The following CACNB1 variants were observed in gnomAD, a reference collection of about 807,000 sequenced individuals.
CACNB1 encodes voltage-dependent L-type calcium channel subunit beta-1.
In CACNB1, 29 loss-of-function variants were observed where a neutral mutation model predicts 71.6. The observed-to-expected ratio is 0.40, with a 90% CI of 0.30 to 0.55. The LOEUF (loss-of-function observed/expected upper bound fraction) is 0.55, where lower values mean the gene tolerates loss of function less well. CACNB1 is among the 20% of genes least tolerant of loss of function. The pLI is 0.38. For missense variants in CACNB1, 623 were observed against 801.8 expected (o/e 0.78, Z 2.69); for synonymous variants, 300 against 319.6 (o/e 0.94, Z 0.65).
At chr17:39,191,152 C>T (rs531055401) in intron 3 of CACNB1, among the ~76,000 whole-genome samples, 3 of 152,050 alleles carry the variant, frequency 2.0e-5, no homozygotes, top group East Asian at 1.9e-4. Context: ...TGCAGTGAGC[C>T]GAGATCATGC....
chr17:39,190,252 T>C (rs886219720), intron 3 of CACNB1, among the ~76,000 whole-genome samples: 2 of 151,890 alleles, frequency 1.3e-5, no homozygotes, highest in Admixed American at 1.3e-4. Flanking sequence ...CAAGATCCCA[T>C]CTCTACAAAA....
At chr17:39,191,638 A>G (rs1402682050) in intron 2 of CACNB1, 45 bp from the exon 3 acceptor site, 2 of 1,592,766 alleles carry the variant, frequency 1.3e-6, no homozygotes, top group African/African-American at 2.7e-5. Flanking sequence ...TGCCCCTCCC[A>G]GCTCCTGGGC....
chr17:39,180,646 C>T (rs1013182162), intron 11 of CACNB1, among the ~76,000 whole-genome samples: 4 of 147,446 alleles, frequency 2.7e-5, no homozygotes, highest in African/African-American at 9.7e-5. Flanking sequence ...CAGAGCGAGA[C>T]TTCGTCCCCC....
At chr17:39,184,903 G>C (rs1288569431) in intron 7 of CACNB1, 39 bp from the exon 8 acceptor site, 40 of 1,342,802 alleles carry the variant, frequency 3.0e-5, no homozygotes, top group Non-Finnish European at 4.2e-5. Context: ...CCAGAGTGGA[G>C]ATGACATTAG....
At chr17:39,180,101 C>T (rs2045712370) in intron 11 of CACNB1, among the ~76,000 whole-genome samples, 1 of 151,444 alleles carries the variant, frequency 6.6e-6, no homozygotes, top group Admixed American at 6.6e-5. Context: ...CCCGTCTCTA[C>T]TGAAAATACA....
At chr17:39,181,631 G>A (rs1452368790) in intron 11 of CACNB1, among the ~76,000 whole-genome samples, 1 of 152,134 alleles carries the variant, frequency 6.6e-6, no homozygotes, top group Non-Finnish European at 1.5e-5. Context: ...CAGTGTTTTT[G>A]CATCCATTAT....
At chr17:39,187,137 A>C (rs929557519) in intron 4 of CACNB1, 1 of 612,236 alleles carries the variant, frequency 1.6e-6, no homozygotes, top group African/African-American at 1.9e-5. Flanking sequence ...GCCATGGACC[A>C]CCCTGCCACC....
At chr17:39,195,091 C>A in intron 1 of CACNB1, 121 bp from the exon 2 acceptor site, 1 of 662,356 alleles carries the variant, frequency 1.5e-6, no homozygotes, top group East Asian at 2.8e-5. Flanking sequence ...ACCTCCACCC[C>A]CCTGCACATT....
In CACNB1 at chr17:39,175,294, C is replaced by T; in HGVS notation, c.1696G>A (p.Gly566Ser). Residue 566 changes from glycine to serine, a missense_variant, in exon 14 of 14, where the codon GGC becomes AGC. Gly to Ser is a moderately conservative substitution (Grantham distance 56, BLOSUM62 0). Coordinates refer to ENST00000394303, the MANE Select transcript of CACNB1 (RefSeq NM_000723.5). This position sits in a 1 kb window ranked among gnomAD's most constrained non-coding sequence, Gnocchi z 4.7. ...GCGCAGTAGCGGGCCTTATTCCGGC[C>T]CCGGTTCCGGTTGTCGGTCAGCTCT... ...EEELTDNRNRGRNKARYCAEG... is the reference protein window; with the variant it reads ...EEELTDNRNRSRNKARYCAEG... The T allele has an allele frequency of 6.2e-7, 1 of 1,614,182 alleles. No individual in the cohort carries two copies. Among genetic ancestry groups the T allele is most frequent in the Non-Finnish European group, 8.5e-7 (1 of 1,180,024 alleles).
chr17:39,177,289 G>C, intron 13 of CACNB1, 61 bp downstream of exon 13: 2 of 1,610,340 alleles, frequency 1.2e-6, no homozygotes, highest in Non-Finnish European at 1.7e-6. Flanking sequence ...CTGCCCCGCT[G>C]TGAGGACTCC....
In CACNB1 at chr17:39,183,692, G is replaced by A. The variant is rs1408588753; in HGVS notation, c.1050+21C>T. On this transcript the variant is annotated intron_variant, in intron 11 of 13. Coordinates refer to ENST00000394303, the MANE Select transcript of CACNB1 (RefSeq NM_000723.5). ...CTTTCAAACCACGCTGTCCTGGCCA[G>A]GGTCAGGCTCCTGCACCCACCTTGG... 3 of 1,562,672 alleles carry A rather than the reference G, an allele frequency of 1.9e-6. No individual in the cohort carries two copies. In the South Asian group the frequency reaches 3.5e-5, roughly 18 times the overall value.
At position 39,186,817 on chromosome 17, in the gene CACNB1, A is replaced by G. The variant is rs1484153464; in HGVS notation, c.527T>C (p.Leu176Pro). 2 of 1,613,884 alleles carry G rather than the reference A, an allele frequency of 1.2e-6. No individual in the cohort carries two copies. Among genetic ancestry groups the G allele is most frequent in the African/African-American group, 2.7e-5 (2 of 74,900 alleles). The change falls in exon 5 of 14, where the codon CTG becomes CCG. Residue 176 changes from leucine to proline, a missense_variant. Leu to Pro is a moderately conservative substitution (Grantham distance 98, BLOSUM62 -3). Transcript: ENST00000394303. This position sits in a 1 kb window ranked among gnomAD's most constrained non-coding sequence, Gnocchi z 4.1. ...CCTGGAGCCGAGGCGGTTCTGGCGC[A>G]GCTTCTGTTCCTGCAGCAGGCGAAG... is the stretch of plus-strand genomic sequence containing the variant. ...DSLRLLQEQKLRQNRLGSSKS... is the reference protein window; with the variant it reads ...DSLRLLQEQKPRQNRLGSSKS...
chr17:39,183,240 G>A (rs1357315030), intron 11 of CACNB1, among the ~76,000 whole-genome samples: 1 of 152,130 alleles, frequency 6.6e-6, no homozygotes, highest in African/African-American at 2.4e-5. Flanking sequence ...GCCGAGGTGG[G>A]TGGATTGCTT....
Position 39,186,952 on chromosome 17 carries a change from G to A in CACNB1, c.415-23C>T, listed in dbSNP as rs376561709. The A allele has an allele frequency of 2.5e-6, 4 of 1,611,964 alleles. No homozygotes were observed. Among genetic ancestry groups the A allele is most frequent in the African/African-American group, 1.3e-5 (1 of 74,886 alleles). On this transcript the variant is annotated intron_variant, in intron 4 of 13. Transcript: ENST00000394303. The surrounding 1 kb of genome is among the most constrained non-coding windows in gnomAD (Gnocchi z 4.1). ...TTTCTGCAAAGAATATGGCAGGTGG[G>A]TGGAAAGAGCAAGAGGGAAACTGCA... is the stretch of plus-strand genomic sequence containing the variant.
Position 39,186,628 on chromosome 17 carries a change from C to T in CACNB1, c.552-56G>A, listed in dbSNP as rs1395763945. ...AGCAAAGAGGTGGGCGTGGGGGGCT[C>T]TCATCCTCTCACATGCGGCACCCCC... On this transcript the variant is annotated intron_variant, in intron 5 of 13. Coordinates refer to ENST00000394303, the MANE Select transcript of CACNB1 (RefSeq NM_000723.5). This position sits in a 1 kb window ranked among gnomAD's most constrained non-coding sequence, Gnocchi z 4.1. The T allele has an allele frequency of 6.5e-7, 1 of 1,536,556 alleles. No homozygotes were observed. The highest frequency in any genetic ancestry group is 1.7e-5 in the Admixed American group (1 of 58,910).
At chr17:39,184,404 GGAGGGAGGGAGGA>G in intron 8 of CACNB1, 21 bp from the exon 9 acceptor site, 1 of 1,214,718 alleles carries the variant, frequency 8.2e-7, no homozygotes, top group Non-Finnish European at 1.2e-6. Context: ...GGGTTTGTGG[GGAGGGAGGGAGGA>G]GAAGGCAGGC....
Position 39,186,634 on chromosome 17 carries a change from C to A in CACNB1, c.552-62G>T. ...GAGGTGGGCGTGGGGGGCTCTCATC[C>A]TCTCACATGCGGCACCCCCGGAGGT... On this transcript the variant is annotated intron_variant, in intron 5 of 13. Transcript: ENST00000394303. This position sits in a 1 kb window ranked among gnomAD's most constrained non-coding sequence, Gnocchi z 4.1. 1 of 1,528,158 alleles carries A rather than the reference C, an allele frequency of 6.5e-7. No individual in the cohort carries two copies. Among genetic ancestry groups the A allele is most frequent in the South Asian group, 1.2e-5 (1 of 86,520 alleles). 94.7% of individuals were successfully genotyped at this position (1,528,158 alleles called of 1,614,324 possible).
chr17:39,194,988 G>A lies in CACNB1; in HGVS notation c.85-18C>T. On this transcript the variant is annotated intron_variant, in intron 1 of 13. Coordinates refer to ENST00000394303, the MANE Select transcript of CACNB1 (RefSeq NM_000723.5). This position sits in a 1 kb window ranked among gnomAD's most constrained non-coding sequence, Gnocchi z 4.6. ...TATTTGCCCTGAAGAGGCCAGGAAA[G>A]GAACAAGAGTAGAATCAGAAGGGCC... 6.3e-7 allele frequency: 1 copy of A among 1,574,988 alleles called. No homozygotes were observed. Among genetic ancestry groups the A allele is most frequent in the Non-Finnish European group, 8.7e-7 (1 of 1,147,980 alleles).
chr17:39,177,633 T>C (rs2045620603), intron 12 of CACNB1, 98 bp from the exon 13 acceptor site: 1 of 950,684 alleles, frequency 1.1e-6, no homozygotes, highest in East Asian at 2.4e-5. Flanking sequence ...GTCAAGGGAT[T>C]GAAGGACAAG....
Sources: gnomAD v4.1 joint callset for allele counts (sites outside exome capture counted in the v4.1 genomes callset) on GRCh38, gnomAD v4.1.1 for gene constraint, Gnocchi (gnomAD v3.1) non-coding constraint, MANE v1.5 for transcripts, NCBI Gene and HGNC (gene_info 2026-07-23, HGNC 2026-07-21) for gene names.